Variants in ZFHX4 observed in about 807,000 individuals in gnomAD.
ZFHX4 encodes the protein zinc finger homeobox protein 4.
In ZFHX4, 56 loss-of-function variants were observed where a neutral mutation model predicts 267.6. The observed-to-expected ratio is 0.21, with a 90% CI of 0.17 to 0.26. ZFHX4 has a LOEUF of 0.26. Among genes scored for constraint, ZFHX4 ranks in the 10% least tolerant of loss-of-function variants. ZFHX4 has a pLI of 1.00. For missense variants in ZFHX4, 4,332 were observed against 4,420.0 expected, an observed-to-expected ratio of 0.98 and a Z score of 0.56; for synonymous variants, 1,778 against 1,665.6, an observed-to-expected ratio of 1.07 and a Z score of -1.64.
chr8:76,711,770 A>G (rs552600255), intron 3 of ZFHX4, among the ~76,000 whole-genome samples: 183 of 152,254 alleles, frequency 1.2e-3, no homozygotes, highest in South Asian at 2.1e-3. Context: ...AGATATAATG[A>G]AAACCACAGA....
At chr8:76,761,785 A>G (rs1378674732) in intron 3 of ZFHX4, among the ~76,000 whole-genome samples, 1 of 152,202 alleles carries the variant, frequency 6.6e-6, no homozygotes, top group Non-Finnish European at 1.5e-5. Flanking sequence ...GTTTAGAAGC[A>G]AATGTCTCCA....
chr8:76,702,322 T>C lies in ZFHX4; in HGVS notation c.-46-1721T>C, dbSNP rs375895368. Among the ~76,000 whole-genome samples the C allele has an allele frequency of 1.1e-4, 17 of 152,328 alleles. 1 individual carries two copies. The highest frequency in any genetic ancestry group is 4.1e-4 in the African/African-American group (17 of 41,568). On this transcript the variant is annotated intron_variant, in intron 1 of 10. Coordinates refer to ENST00000651372, the MANE Select transcript of ZFHX4 (RefSeq NM_024721.5). Reference sequence around the variant, plus strand: ...ATACCAAAACGAATTTTGAATTCATTTTCAATCTATGCAGATCTTTTAATG... The same window carrying C: ...ATACCAAAACGAATTTTGAATTCATCTTCAATCTATGCAGATCTTTTAATG...
At chr8:76,767,073 GTA>G (rs1491124689) in intron 3 of ZFHX4, among the ~76,000 whole-genome samples, 2 of 147,680 alleles carry the variant, frequency 1.4e-5, no homozygotes, top group East Asian at 4.0e-4. Flanking sequence ...GTGTGTGTGT[GTA>G]TGTGTGCATG....
At chr8:76,760,446 C>T (rs1013837660) in intron 3 of ZFHX4, among the ~76,000 whole-genome samples, 7 of 152,104 alleles carry the variant, frequency 4.6e-5, no homozygotes, top group African/African-American at 1.4e-4. Flanking sequence ...CATGGAGGTA[C>T]AGTTTGAGAG....
chr8:76,710,502 T>C (rs927260138), intron 3 of ZFHX4, among the ~76,000 whole-genome samples: 1 of 152,142 alleles, frequency 6.6e-6, no homozygotes, highest in African/African-American at 2.4e-5. Flanking sequence ...TAGAAAAAAA[T>C]GATGGTGAAA....
In ZFHX4 at chr8:76,706,698, C is replaced by G; in HGVS notation, c.2590+20C>G. On this transcript the variant is annotated intron_variant, in intron 2 of 10. Coordinates refer to ENST00000651372, the MANE Select transcript of ZFHX4 (RefSeq NM_024721.5). ...GGCTCGGTTAGTATTTCCTGCTTTT[C>G]TGCACTGTTGTTAGTTTCTAATCAC... The G allele has an allele frequency of 6.5e-7, 1 of 1,531,374 alleles. No individual in the cohort carries two copies. The highest frequency in any genetic ancestry group is 8.8e-7 in the Non-Finnish European group (1 of 1,142,688). The allele number at this position is 1,531,374 out of a possible 1,614,324, so 94.9% of individuals were successfully genotyped here. A position where few individuals can be genotyped will look rare whatever the true frequency, so the allele number is the denominator to read the frequency against.
At chr8:76,713,290 T>TAGAG (rs1212092899) in intron 3 of ZFHX4, among the ~76,000 whole-genome samples, 1 of 136,508 alleles carries the variant, frequency 7.3e-6, no homozygotes, top group Non-Finnish European at 1.5e-5. Flanking sequence ...GAAAGATAGA[T>TAGAG]AGATAGATAG....
In ZFHX4 at chr8:76,824,518, G is replaced by A. The variant is rs948756419; in HGVS notation, c.3326-8820G>A. ...AAAAAAACCTACCTAGGGCTGACTTGTCTATTACTACCAGTCCTTCAAAGT... is the reference window on the plus strand; with the variant it reads ...AAAAAAACCTACCTAGGGCTGACTTATCTATTACTACCAGTCCTTCAAAGT... On this transcript the variant is annotated intron_variant, in intron 4 of 10. Transcript: ENST00000651372. Among the ~76,000 whole-genome samples the A allele has an allele frequency of 3.9e-5, 6 of 152,168 alleles. No individual in the cohort carries two copies. The South Asian group carries it at 1.0e-3, about 26-fold the overall frequency.
rs1189944768 is a variant in ZFHX4 at position 76,849,099 on chromosome 8, A to G, written c.3616A>G (p.Thr1206Ala). The G allele has an allele frequency of 3.2e-6, 5 of 1,563,936 alleles. No individual in the cohort carries two copies. Among genetic ancestry groups the G allele is most frequent in the Non-Finnish European group, 4.3e-6 (5 of 1,153,884 alleles). The change falls in exon 7 of 11, where the codon ACA becomes GCA. Residue 1206 changes from threonine to alanine, a missense_variant. Physicochemically the swap from Thr to Ala is moderately conservative, Grantham distance 58 (BLOSUM62 0). This residue lies in a region of ZFHX4 where 1,371 missense variants were observed against 1,423.1 expected (regional missense o/e 0.96). Transcript: ENST00000651372. Reference protein sequence around the residue: ...EDVATKRSKPTEDNKFCHEQF... With the variant: ...EDVATKRSKPAEDNKFCHEQF... ...TGTTGCAACAAAAAGGTCAAAACCT[A>G]CAGAGGACAATAAATTCTGTCATGA...
intron 4 of ZFHX4, among the ~76,000 whole-genome samples, chr8:76,781,367 A>T (rs189252369): frequency 6.6e-6 from 1 of 152,216 alleles, no homozygotes; most frequent in East Asian, 1.9e-4. Context: ...AAGAATAGAA[A>T]GTTCCCTTCC....
chr8:76,751,548 A>C (rs1809614066), intron 3 of ZFHX4, among the ~76,000 whole-genome samples: 1 of 152,192 alleles, frequency 6.6e-6, no homozygotes, highest in Admixed American at 6.5e-5. Context: ...TGTCTGATGT[A>C]AGTTAAGGTA....
chr8:76,860,758 C>T (rs952866518), intron 10 of ZFHX4, among the ~76,000 whole-genome samples: 1 of 152,090 alleles, frequency 6.6e-6, no homozygotes, highest in South Asian at 2.1e-4. Context: ...GATACTAATT[C>T]CTTTAACTGT....
intron 10 of ZFHX4, among the ~76,000 whole-genome samples, chr8:76,859,508 G>A (rs1352868392): frequency 6.6e-6 from 1 of 151,658 alleles, no homozygotes; most frequent in Non-Finnish European, 1.5e-5. Context: ...GCTGGCTTTG[G>A]GATTACACTC....
chr8:76,701,654 A>T (rs1808106381), intron 1 of ZFHX4, among the ~76,000 whole-genome samples: 1 of 152,172 alleles, frequency 6.6e-6, no homozygotes, highest in South Asian at 2.1e-4. Flanking sequence ...GTGTGTAATA[A>T]TTCTAGCTAG....
chr8:76,849,483 A>G lies in ZFHX4; in HGVS notation c.3646-29A>G, dbSNP rs375538705. On this transcript the variant is annotated intron_variant, in intron 7 of 10. Transcript: ENST00000651372. ...TCAAATAAGAAATGCATTAACTAAT[A>G]GTGGCCATGTTTATTCAATATTTTC... is the stretch of plus-strand genomic sequence containing the variant. 4 of 1,560,154 alleles carry G rather than the reference A, an allele frequency of 2.6e-6. No homozygotes were observed. The African/African-American group carries it at 5.4e-5, about 21-fold the overall frequency.
chr8:76,761,700 A>C (rs981263659), intron 3 of ZFHX4, among the ~76,000 whole-genome samples: 2 of 152,202 alleles, frequency 1.3e-5, no homozygotes, highest in African/African-American at 2.4e-5. Flanking sequence ...TTAATAGTCA[A>C]GCTGAAAAAT....
chr8:76,863,639 G>T lies in ZFHX4; in HGVS notation c.9925G>T (p.Gly3309Cys). 14 of 1,612,624 alleles carry T rather than the reference G, an allele frequency of 8.7e-6. No homozygotes were observed. Among genetic ancestry groups the T allele is most frequent in the Non-Finnish European group, 1.2e-5 (14 of 1,179,352 alleles). ...YGPTMPQTLA[G>C]LSPGALLQQY... is the part of the protein sequence containing the mutation. ...CCCTACAATGCCCCAGACACTGGCAGGTCTGTCCCCAGGTGCACTGTTGCA... is the reference window on the plus strand; with the variant it reads ...CCCTACAATGCCCCAGACACTGGCATGTCTGTCCCCAGGTGCACTGTTGCA... Residue 3309 changes from glycine (G) to cysteine (C), a missense_variant, in exon 11 of 11, where the codon GGT becomes TGT. By Grantham distance (159) the Gly-to-Cys change is radical. This residue lies in a region of ZFHX4 where 1,648 missense variants were observed against 1,625.0 expected (regional missense o/e 1.01). Transcript: ENST00000651372.
chr8:76,688,374 A>C (rs766954173), intron 1 of ZFHX4, among the ~76,000 whole-genome samples: 6 of 152,158 alleles, frequency 3.9e-5, no homozygotes, highest in Non-Finnish European at 7.4e-5. Flanking sequence ...TAAGTGGTCT[A>C]TCAGCTTTTG....
chr8:76,834,285 A>T, intron 5 of ZFHX4: 1 of 238,770 alleles, frequency 4.2e-6, no homozygotes, highest in East Asian at 1.0e-4. Context: ...TGATAAGAGC[A>T]TGTTTAGTTT....
Sources: gnomAD v4.1 joint callset for allele counts (sites outside exome capture counted in the v4.1 genomes callset) on GRCh38, gnomAD v4.1.1 for gene constraint, gnomAD v4.1.1 regional missense constraint, MANE v1.5 for transcripts, NCBI Gene and HGNC (gene_info 2026-07-23, HGNC 2026-07-21) for gene names.